Variants in ZC3H18 observed in about 807,000 individuals in gnomAD.
The protein encoded by ZC3H18 is zinc finger CCCH-type containing 18.
Under a neutral mutation model 106.1 loss-of-function variants are expected in ZC3H18, and 8 were observed. That is an observed-to-expected ratio of 0.08 (90% CI 0.04 to 0.14). The LOEUF (loss-of-function observed/expected upper bound fraction) is 0.14, where lower values mean the gene tolerates loss of function less well. Among genes scored for constraint, ZC3H18 ranks in the 10% least tolerant of loss-of-function variants. ZC3H18 has a pLI of 1.00. For synonymous variants in ZC3H18, 635 were observed against 522.1 expected (o/e 1.22, Z -2.95); for missense variants, 1,318 against 1,278.4 (o/e 1.03, Z -0.47).
At chr16:88,610,667 C>T (rs963046835) in intron 7 of ZC3H18, among the ~76,000 whole-genome samples, 3 of 152,208 alleles carry the variant, frequency 2.0e-5, no homozygotes, top group Non-Finnish European at 4.4e-5. Context: ...AATATTAGAG[C>T]AAATGAATGA....
rs187557472 is a variant in ZC3H18, at chr16:88,585,738, G to A, written c.604-862G>A. Among the ~76,000 whole-genome samples, 20 of 152,222 alleles carry A rather than the reference G, an allele frequency of 1.3e-4. No homozygotes were observed. In the East Asian group the frequency reaches 3.9e-3, roughly 29 times the overall value. On this transcript the variant is annotated intron_variant, in intron 2 of 17. Transcript: ENST00000301011. ...GAATGAGAGAGGTCAGTTAGAAAGT[G>A]GTTTTACCAGGCTGGGTGTGATGGG... is the stretch of plus-strand genomic sequence containing the variant.
At chr16:88,618,730 G>A (rs977530520) in intron 8 of ZC3H18, among the ~76,000 whole-genome samples, 1 of 152,226 alleles carries the variant, frequency 6.6e-6, no homozygotes, top group Non-Finnish European at 1.5e-5. Flanking sequence ...AGATGATAGC[G>A]CGGGCCTTGT....
chr16:88,612,053 C>T (rs888256917), intron 8 of ZC3H18, among the ~76,000 whole-genome samples: 4 of 152,070 alleles, frequency 2.6e-5, no homozygotes, highest in African/African-American at 4.8e-5. Context: ...TTTTCCTTTG[C>T]GGAGTGGGTG....
chr16:88,577,281 G>A lies in ZC3H18; in HGVS notation c.158G>A (p.Ser53Asn). The part of the protein sequence containing the change: ...VRASDLEDEE[S>N]AARGPSQEEE... ...GCTTCTGATCTGGAGGATGAGGAAA[G>A]TGCAGCCAGGGGGCCGAGCCAGGAG... The change falls in exon 2 of 18, where the codon AGT becomes AAT. Residue 53 changes from serine (S) to asparagine (N), a missense_variant. Ser to Asn is a conservative substitution (Grantham distance 46, BLOSUM62 1). Transcript: ENST00000301011. The A allele has an allele frequency of 1.2e-6, 2 of 1,613,396 alleles. No individual in the cohort carries two copies. The highest frequency in any genetic ancestry group is 1.1e-5 in the South Asian group (1 of 90,960).
rs377690257 is a variant in ZC3H18 at position 88,624,564 on chromosome 16, C to A, written c.1899-38C>A. 8 of 1,613,258 alleles carry A rather than the reference C, an allele frequency of 5.0e-6. No individual in the cohort carries two copies. In the African/African-American group the frequency reaches 1.1e-4, roughly 22 times the overall value. On this transcript the variant is annotated intron_variant, in intron 11 of 17. Coordinates refer to ENST00000301011, the MANE Select transcript of ZC3H18 (RefSeq NM_144604.4). ...GGATGTAGGCCAGCGGGGCCCCGTC[C>A]ACCAGCCCTGCCCTGCTCGAGCCTC...
intron 2 of ZC3H18, among the ~76,000 whole-genome samples, chr16:88,578,415 A>G (rs1914895013): frequency 6.6e-6 from 1 of 152,196 alleles, no homozygotes; most frequent in South Asian, 2.1e-4. Context: ...GCCGTTGGAA[A>G]AACTATGAGT....
At chr16:88,630,198 A>G in intron 16 of ZC3H18, 1 of 387,920 alleles carries the variant, frequency 2.6e-6, no homozygotes, top group East Asian at 4.4e-5. Context: ...GACCCATGTG[A>G]TAAATTTCTT....
At chr16:88,621,737 C>T (rs1332795757) in intron 8 of ZC3H18, among the ~76,000 whole-genome samples, 1 of 152,228 alleles carries the variant, frequency 6.6e-6, no homozygotes, top group Non-Finnish European at 1.5e-5. Context: ...GTAATCCACC[C>T]GCCTCGTCCT....
At chr16:88,574,830 T>C (rs1180928039) in intron 1 of ZC3H18, among the ~76,000 whole-genome samples, 1 of 148,128 alleles carries the variant, frequency 6.8e-6, no homozygotes, top group Non-Finnish European at 1.5e-5. Flanking sequence ...TTCTAATGTA[T>C]CTTTTTTTTT....
intron 6 of ZC3H18, among the ~76,000 whole-genome samples, chr16:88,605,524 G>A (rs768021996): frequency 6.6e-6 from 1 of 152,248 alleles, no homozygotes; most frequent in African/African-American, 2.4e-5. Context: ...GCAGGGACAC[G>A]TGAGCATCTG....
chr16:88,628,056 C>T lies in ZC3H18; in HGVS notation c.2406C>T (p.Pro802=), dbSNP rs141358180. The T allele has an allele frequency of 2.5e-5, 40 of 1,613,978 alleles. No homozygotes were observed. Among genetic ancestry groups the T allele is most frequent in the Admixed American group, 1.5e-4 (9 of 60,000 alleles). ...QQPSTPQQAP[P]GQPQQGTFVA... ...CCTCGACACCCCAGCAGGCACCCCC[C>T]GGGCAGCCCCAGCAGGGCACATTTG... Residue 802 remains proline (P), a synonymous_variant, in exon 15 of 18, where the codon CCC becomes CCT. Transcript: ENST00000301011.
chr16:88,616,718 G>T (rs1172099537), intron 8 of ZC3H18, among the ~76,000 whole-genome samples: 1 of 152,106 alleles, frequency 6.6e-6, no homozygotes, highest in Non-Finnish European at 1.5e-5. Context: ...TAGGTGGATA[G>T]AAAGAACTTT....
rs373819468 is a variant in ZC3H18, at chr16:88,611,382, G to C, written c.1321G>C (p.Glu441Gln). The change falls in exon 8 of 18, where the codon GAG (glutamate) becomes CAG (glutamine). Residue 441 changes from glutamate (E) to glutamine (Q), a missense_variant. Glu to Gln is a conservative substitution (Grantham distance 29, BLOSUM62 2). Transcript: ENST00000301011. ...GGAGCGCGAGCGAGAGCGGGAGCGC[G>C]AGCGCGACAAGGAGCGGCAGCGGAG... ...QRERERERER[E>Q]RDKERQRRKE... 17 of 1,105,662 alleles carry C rather than the reference G, an allele frequency of 1.5e-5. No homozygotes were observed. Among genetic ancestry groups the C allele is most frequent in the Non-Finnish European group, 2.2e-5 (16 of 740,086 alleles). 68.5% of individuals were successfully genotyped at this position (1,105,662 alleles called of 1,614,324 possible). A position where few individuals can be genotyped will look rare whatever the true frequency, so the allele number is the denominator to read the frequency against.
intron 6 of ZC3H18, among the ~76,000 whole-genome samples, chr16:88,603,462 A>G (rs985060576): frequency 1.3e-5 from 2 of 151,360 alleles, no homozygotes; most frequent in African/African-American, 4.8e-5. Context: ...CTCTACTAAA[A>G]TACAGAAGAA....
Position 88,631,749 on chromosome 16 carries a change from C to T in ZC3H18, c.*450C>T, listed in dbSNP as rs771911541. 35 of 378,624 alleles carry T rather than the reference C, an allele frequency of 9.2e-5. No individual in the cohort carries two copies. In the Admixed American group the frequency reaches 1.1e-3, roughly 12 times the overall value. 23.5% of individuals were successfully genotyped at this position (378,624 alleles called of 1,614,324 possible). A position where few individuals can be genotyped will look rare whatever the true frequency, so the allele number is the denominator to read the frequency against. ...TTCTCCTCCCCCGCCCCTGATCACCCGCCCCCGGATCAGAAATATATCTAT... is the reference window on the plus strand; with the variant it reads ...TTCTCCTCCCCCGCCCCTGATCACCTGCCCCCGGATCAGAAATATATCTAT... On this transcript the variant is annotated 3_prime_UTR_variant, in exon 18 of 18. Coordinates refer to ENST00000301011, the MANE Select transcript of ZC3H18 (RefSeq NM_144604.4).
intron 13 of ZC3H18, chr16:88,625,497 C>T (rs1461547304): frequency 3.5e-6 from 2 of 564,936 alleles, no homozygotes; most frequent in Non-Finnish European, 6.3e-6. Flanking sequence ...GATTCACAAA[C>T]TCGGGGGCAC....
rs745651329 is a variant in ZC3H18, at chr16:88,627,882, C to A, written c.2270-38C>A. 2 of 1,613,284 alleles carry A rather than the reference C, an allele frequency of 1.2e-6. No individual in the cohort carries two copies. Among genetic ancestry groups the A allele is most frequent in the African/African-American group, 2.7e-5 (2 of 74,920 alleles). ...GCTGTTGGTGTGGCCATGGGAAAAT[C>A]ACCAGTACCCCCATGACTGCGGATT... On this transcript the variant is annotated intron_variant, in intron 14 of 17. Coordinates refer to ENST00000301011, the MANE Select transcript of ZC3H18 (RefSeq NM_144604.4). This position sits in a 1 kb window ranked among gnomAD's most constrained non-coding sequence, Gnocchi z 4.5.
intron 1 of ZC3H18, among the ~76,000 whole-genome samples, chr16:88,571,339 GTGTT>G (rs1914395154): frequency 6.6e-6 from 1 of 152,338 alleles, no homozygotes; most frequent in African/African-American, 2.4e-5. Flanking sequence ...GAAGAAGAGA[GTGTT>G]TGGCATCTGA....
chr16:88,598,145 G>A, intron 3 of ZC3H18, 33 bp from the exon 4 acceptor site: 1 of 1,541,060 alleles, frequency 6.5e-7, no homozygotes, highest in Non-Finnish European at 8.7e-7. Flanking sequence ...AGGCTCTTGT[G>A]GACCCTTTCT....
Sources: gnomAD v4.1 joint callset for allele counts (sites outside exome capture counted in the v4.1 genomes callset) on GRCh38, gnomAD v4.1.1 for gene constraint, Gnocchi (gnomAD v3.1) non-coding constraint, MANE v1.5 for transcripts, NCBI Gene and HGNC (gene_info 2026-07-23, HGNC 2026-07-21) for gene names.